The following MID1 variants were observed in gnomAD, a reference collection of about 807,000 sequenced individuals.
The protein encoded by MID1 is midline 1.
MID1 carries 7 observed loss-of-function variants against 40.4 expected under a neutral mutation model. The observed-to-expected ratio is 0.17, with a 90% CI of 0.10 to 0.33. MID1 has a LOEUF of 0.33. Ranked by LOEUF, MID1 falls within the 10% of genes least tolerant of loss-of-function variation. The pLI is 1.00. For missense variants in MID1, 367 were observed against 558.5 expected (o/e 0.66, Z 3.46); for synonymous variants, 229 against 221.2 (o/e 1.04, Z -0.31).
At chrX:10,520,920 A>G (rs1932671427) in intron 3 of MID1, among the ~76,000 whole-genome samples, 1 of 111,234 alleles carries the variant, frequency 9.0e-6, no homozygotes, top group African/African-American at 3.3e-5. Flanking sequence ...GCTATAAAGA[A>G]ATACCTGATA....
At chrX:10,832,145 A>C (rs188916439) in intron 1 of MID1, among the ~76,000 whole-genome samples, 1 of 112,550 alleles carries the variant, frequency 8.9e-6, no homozygotes, top group Non-Finnish European at 1.9e-5. Context: ...TTATTTACTA[A>C]AGTGTCTATT....
intron 1 of MID1, among the ~76,000 whole-genome samples, chrX:10,633,461 T>G (rs1201706844): frequency 9.0e-6 from 1 of 110,950 alleles, no homozygotes; most frequent in Non-Finnish European, 1.9e-5. Flanking sequence ...TTTTTTTCTT[T>G]TTTTGAGACA....
At chrX:10,791,298 A>G (rs2043928767) in intron 1 of MID1, among the ~76,000 whole-genome samples, 1 of 112,067 alleles carries the variant, frequency 8.9e-6, no homozygotes, top group East Asian at 2.8e-4. Flanking sequence ...AATGGGGCAC[A>G]TGGGAAACAT....
intron 9 of MID1, among the ~76,000 whole-genome samples, chrX:10,451,034 T>C (rs1489405399): frequency 8.9e-6 from 1 of 111,889 alleles, no homozygotes; most frequent in East Asian, 2.8e-4. Context: ...GGACTTAAAA[T>C]ACAATCACTT....
intron 5 of MID1, among the ~76,000 whole-genome samples, chrX:10,479,038 C>A: frequency 8.9e-6 from 1 of 111,765 alleles, no homozygotes; most frequent in Non-Finnish European, 1.9e-5. Context: ...ACACACAAGG[C>A]GGGCTAGACT....
intron 1 of MID1, among the ~76,000 whole-genome samples, chrX:10,688,838 G>T (rs1246411453): frequency 7.2e-5 from 8 of 111,491 alleles, no homozygotes; most frequent in Non-Finnish European, 1.5e-4. Flanking sequence ...AGCTATGTGA[G>T]GTCTGCAAAA....
intron 2 of MID1, among the ~76,000 whole-genome samples, chrX:10,551,098 C>T: frequency 8.9e-6 from 1 of 112,075 alleles, no homozygotes; most frequent in East Asian, 2.8e-4. Context: ...CTCCCATATA[C>T]TTTATCTCTA....
chrX:10,466,850 A>G (rs1163448926), intron 7 of MID1, among the ~76,000 whole-genome samples: 1 of 112,149 alleles, frequency 8.9e-6, no homozygotes, highest in Non-Finnish European at 1.9e-5. Flanking sequence ...CAATAAGCTC[A>G]TACAGCTGGA....
chrX:10,720,019 C>T (rs1359081198), intron 1 of MID1, among the ~76,000 whole-genome samples: 2 of 111,894 alleles, frequency 1.8e-5, no homozygotes, highest in African/African-American at 3.3e-5. Flanking sequence ...AACTGCATCC[C>T]TTCCTTACAC....
chrX:10,504,140 G>A (rs1240244616), intron 3 of MID1, among the ~76,000 whole-genome samples: 6 of 111,720 alleles, frequency 5.4e-5, no homozygotes, highest in Admixed American at 9.5e-5. Context: ...AAGTCTTCCC[G>A]GGATTGAAAC....
At chrX:10,818,865 A>G (rs2044156187) in intron 1 of MID1, among the ~76,000 whole-genome samples, 1 of 111,900 alleles carries the variant, frequency 8.9e-6, no homozygotes, top group African/African-American at 3.2e-5. Flanking sequence ...AAGTGTTAGG[A>G]GTAGGAAGTC....
chrX:10,730,564 C>CTTTTT (rs1188069622), intron 1 of MID1, among the ~76,000 whole-genome samples: 11 of 78,135 alleles, frequency 1.4e-4, no homozygotes, highest in African/African-American at 2.3e-4. Context: ...TCAGATACAT[C>CTTTTT]TTTTTTTTTT....
intron 3 of MID1, among the ~76,000 whole-genome samples, chrX:10,513,130 T>C (rs1026599606): frequency 4.4e-5 from 5 of 112,568 alleles, no homozygotes; most frequent in Non-Finnish European, 9.4e-5. Context: ...AAATTAAAAA[T>C]AGAAGTCAAC....
chrX:10,779,471 C>T (rs747316989), intron 1 of MID1, among the ~76,000 whole-genome samples: 5 of 112,018 alleles, frequency 4.5e-5, no homozygotes, highest in African/African-American at 6.5e-5. Flanking sequence ...CCACGCCTGG[C>T]GAGGTAGGAA....
Position 10,689,931 on chromosome X carries a change from C to A in MID1, c.-186-69512G>T, listed in dbSNP as rs926173390. On this transcript the variant is annotated intron_variant, in intron 1 of 10. Coordinates refer to the MID1 transcript ENST00000380785. ...GAGAATTGGGCTAAATCCTAAAAGACAAGTACTCTTTATAGACAGAGAAAA... is the reference window on the plus strand; with the variant it reads ...GAGAATTGGGCTAAATCCTAAAAGAAAAGTACTCTTTATAGACAGAGAAAA... 4.5e-5 allele frequency among the ~76,000 whole-genome samples: 5 copies of A among 110,681 alleles called. No homozygotes were observed. The Admixed American group carries it at 4.9e-4, about 11-fold the overall frequency.
At chrX:10,819,964 C>T (rs2044163797) in intron 1 of MID1, among the ~76,000 whole-genome samples, 1 of 111,926 alleles carries the variant, frequency 8.9e-6, no homozygotes. Flanking sequence ...AATCCCTTCT[C>T]AAATCTGGGA....
In MID1 at chrX:10,469,853, A is replaced by T. The variant is rs1396156464; in HGVS notation, c.1142-13T>A. 20 of 1,205,647 alleles carry T rather than the reference A, an allele frequency of 1.7e-5. No individual in the cohort carries two copies. The East Asian group carries it at 5.9e-4, about 36-fold the overall frequency. ...GGAGGGTTGGGAGCTGTGGGGGTCA[A>T]GAATGCTTATCAGTGGAAAAGCACA... On this transcript the variant is annotated splice_polypyrimidine_tract_variant and intron_variant, in intron 6 of 9. Transcript: ENST00000317552.
chrX:10,466,083 C>CTA (rs1197777151), intron 7 of MID1, among the ~76,000 whole-genome samples: 1 of 111,904 alleles, frequency 8.9e-6, no homozygotes, highest in Non-Finnish European at 1.9e-5. Flanking sequence ...GACGTTGGTT[C>CTA]TATCAGTCCT....
chrX:10,612,937 T>C (rs1234788717), intron 1 of MID1, among the ~76,000 whole-genome samples: 2 of 112,242 alleles, frequency 1.8e-5, no homozygotes, highest in East Asian at 2.8e-4. Context: ...CCAGAAATGC[T>C]AAACTTTAAC....
Sources: gnomAD v4.1 joint callset for allele counts (sites outside exome capture counted in the v4.1 genomes callset) on GRCh38, gnomAD v4.1.1 for gene constraint, MANE v1.5 for transcripts, NCBI Gene and HGNC (gene_info 2026-07-23, HGNC 2026-07-21) for gene names.